POLR3E: variants seen among roughly 807,000 people sequenced by gnomAD.
POLR3E encodes the protein RNA polymerase III subunit E.
POLR3E carries 41 observed loss-of-function variants against 96.6 expected under a neutral mutation model. That is an observed-to-expected ratio of 0.42 (90% CI 0.33 to 0.55). The LOEUF is 0.55. Ranked by LOEUF, POLR3E falls within the 20% of genes least tolerant of loss-of-function variation. POLR3E has a pLI of 0.06. For missense variants in POLR3E, 849 were observed against 952.1 expected (o/e 0.89, Z 1.43); for synonymous variants, 396 against 383.6 (o/e 1.03, Z -0.38).
intron 5 of POLR3E, 56 bp from the exon 6 acceptor site, chr16:22,309,372 C>T (rs1598245301): frequency 1.5e-6 from 2 of 1,322,348 alleles, no homozygotes; most frequent in Non-Finnish European, 1.1e-6. Context: ...GCTGTGGCCA[C>T]AGGCCCTGGC....
chr16:22,322,959 CG>C lies in POLR3E; in HGVS notation c.1068+30del. On this transcript the variant is annotated intron_variant, in intron 14 of 20. Coordinates refer to ENST00000299853, the MANE Select transcript of POLR3E (RefSeq NM_018119.4). This position sits in a 1 kb window ranked among gnomAD's most constrained non-coding sequence, Gnocchi z 5.2. ...AAGTACCTTGGGTTCTCTGGACTCACGGTGGGGGCGTGGGAAGAGGGGGGCA... is the reference window on the plus strand; with the variant it reads ...AAGTACCTTGGGTTCTCTGGACTCACGTGGGGGCGTGGGAAGAGGGGGGCA... The C allele has an allele frequency of 6.6e-7, 1 of 1,507,192 alleles. No homozygotes were observed. 93.4% of individuals were successfully genotyped at this position (1,507,192 alleles called of 1,614,324 possible). A position where few individuals can be genotyped will look rare whatever the true frequency, so the allele number is the denominator to read the frequency against.
chr16:22,302,898 C>T lies in POLR3E; in HGVS notation c.-38-33C>T, dbSNP rs1399739015. ...GCACAAGGAAATGTTGGTTGAACGACTGATGGTCCCAGTCTCTCGCCCTCC... is the reference window on the plus strand; with the variant it reads ...GCACAAGGAAATGTTGGTTGAACGATTGATGGTCCCAGTCTCTCGCCCTCC... On this transcript the variant is annotated intron_variant, in intron 1 of 20. Coordinates refer to ENST00000299853, the MANE Select transcript of POLR3E (RefSeq NM_018119.4). 47 of 1,424,558 alleles carry T rather than the reference C, an allele frequency of 3.3e-5. No individual in the cohort carries two copies. The East Asian group carries it at 1.0e-3, about 30-fold the overall frequency. The allele number at this position is 1,424,558 out of a possible 1,614,324, so 88.2% of individuals were successfully genotyped here.
In POLR3E at chr16:22,318,092, ACTT is replaced by A. The variant is rs1304265119; in HGVS notation, c.866-732_866-730del. Among the ~76,000 whole-genome samples, 3 of 148,084 alleles carry A rather than the reference ACTT, an allele frequency of 2.0e-5. No homozygotes were observed. Among genetic ancestry groups the A allele is most frequent in the African/African-American group, 7.7e-5 (3 of 38,850 alleles). On this transcript the variant is annotated intron_variant, in intron 12 of 20. Coordinates refer to ENST00000299853, the MANE Select transcript of POLR3E (RefSeq NM_018119.4). The surrounding 1 kb of genome is among the most constrained non-coding windows in gnomAD (Gnocchi z 5.0). ...ATTTTAGGCTTCCTTCCTGCAGAGG[ACTT>A]CGAACTTTTTTTTTTTTTGAGACAG...
Position 22,317,206 on chromosome 16 carries a change from G to T in POLR3E, c.865G>T (p.Val289Leu), listed in dbSNP as rs1016274846. ...ADQIKILMKN[V>L]KVMPFANLMS... ...TCAGATCAAGATCCTGATGAAGAAT[G>T]GTGGGTGCCTACCCCCTGCCCACCC... The change falls in exon 12 of 21, where the codon GTG (valine) becomes TTG (leucine). Residue 289 changes from valine (V) to leucine (L), a missense_variant and splice_region_variant. Transcript: ENST00000299853. 14 of 1,610,624 alleles carry T rather than the reference G, an allele frequency of 8.7e-6. No homozygotes were observed. In the African/African-American group the frequency reaches 1.9e-4, roughly 21 times the overall value.
rs1422228329 is a variant in POLR3E at position 22,318,487 on chromosome 16, G to A, written c.866-339G>A. On this transcript the variant is annotated intron_variant, in intron 12 of 20. Coordinates refer to ENST00000299853, the MANE Select transcript of POLR3E (RefSeq NM_018119.4). The surrounding 1 kb of genome is among the most constrained non-coding windows in gnomAD (Gnocchi z 5.0). ...GTACCAAGTGGAGCCAAGTGGCTTG[G>A]GTTCACTTCCTGGCTCTGCTACTTC... Among the ~76,000 whole-genome samples the A allele has an allele frequency of 1.3e-5, 2 of 152,178 alleles. No individual in the cohort carries two copies. Among genetic ancestry groups the A allele is most frequent in the Admixed American group, 1.3e-4 (2 of 15,282 alleles).
chr16:22,329,285 T>A (rs2048685521), intron 19 of POLR3E, among the ~76,000 whole-genome samples: 1 of 152,114 alleles, frequency 6.6e-6, no homozygotes, highest in African/African-American at 2.4e-5. Flanking sequence ...GGTCCTGGAC[T>A]TTTAGGTTAA....
intron 6 of POLR3E, among the ~76,000 whole-genome samples, chr16:22,311,204 G>A (rs569587316): frequency 2.4e-4 from 37 of 151,130 alleles, no homozygotes; most frequent in Non-Finnish European, 1.0e-4. Context: ...CCTGACCTCA[G>A]GTGATCCACC....
chr16:22,333,206 G>A (rs147487330), intron 20 of POLR3E, among the ~76,000 whole-genome samples: 2,517 of 150,244 alleles, frequency 0.017, 70 homozygotes, highest in African/African-American at 0.055. Flanking sequence ...TAATCCCAGC[G>A]CTTTGGGAGG....
At chr16:22,310,674 A>C (rs1598247783) in intron 6 of POLR3E, among the ~76,000 whole-genome samples, 1 of 150,778 alleles carries the variant, frequency 6.6e-6, no homozygotes, top group Non-Finnish European at 1.5e-5. Flanking sequence ...GTTGCCTCCT[A>C]CCTGTAATCC....
At chr16:22,305,548 G>A (rs927822566) in intron 3 of POLR3E, 23 of 517,776 alleles carry the variant, frequency 4.4e-5, no homozygotes, top group Non-Finnish European at 8.2e-5. Flanking sequence ...AAGTGGTGAT[G>A]GTGATAATGC....
chr16:22,315,094 G>T lies in POLR3E; in HGVS notation c.528G>T (p.Arg176=). ...AEDDVKQITV[R]FSRPESEQAR... ...TCTTCCCCTTCCCACCGCAGGTGCG[G>T]TTCTCCCGGCCGGAGTCAGAGCAGG... The change falls in exon 9 of 21, where the codon CGG becomes CGT. Residue 176 remains arginine (R), a synonymous_variant. Transcript: ENST00000299853. 2 of 1,613,288 alleles carry T rather than the reference G, an allele frequency of 1.2e-6. No individual in the cohort carries two copies. The highest frequency in any genetic ancestry group is 1.7e-6 in the Non-Finnish European group (2 of 1,179,882).
chr16:22,321,074 C>T lies in POLR3E; in HGVS notation c.987-1776C>T, dbSNP rs181196083. Among the ~76,000 whole-genome samples, 202 of 152,216 alleles carry T rather than the reference C, an allele frequency of 1.3e-3. 1 individual carries two copies. The highest frequency in any genetic ancestry group is 1.4e-3 in the Non-Finnish European group (94 of 68,008). On this transcript the variant is annotated intron_variant, in intron 13 of 20. Coordinates refer to ENST00000299853, the MANE Select transcript of POLR3E (RefSeq NM_018119.4). ...ATGCCTTTCAGTGGTTTCTCTTCGG[C>T]GAATCCTCCCCTAGACCATGTGCTG...
chr16:22,307,114 C>T (rs546477001), intron 3 of POLR3E, among the ~76,000 whole-genome samples: 3 of 152,286 alleles, frequency 2.0e-5, no homozygotes, highest in African/African-American at 4.8e-5. Context: ...TTGCCTCCTC[C>T]GTGCTCACAG....
In POLR3E at chr16:22,302,925, T is replaced by A; in HGVS notation, c.-38-6T>A. ...GATGGTCCCAGTCTCTCGCCCTCCT[T>A]TGCAGATCGAGCTGAAGGACTGCGC... On this transcript the variant is annotated splice_polypyrimidine_tract_variant and splice_region_variant and intron_variant, in intron 1 of 20. Transcript: ENST00000299853. The A allele has an allele frequency of 6.3e-7, 1 of 1,592,664 alleles. No individual in the cohort carries two copies.
intron 18 of POLR3E, 85 bp downstream of exon 18, chr16:22,326,363 G>A: frequency 8.5e-7 from 1 of 1,180,516 alleles, no homozygotes; most frequent in African/African-American, 1.5e-5. Context: ...GGACACGGGA[G>A]GCCATGCTTG....
chr16:22,334,984 T>C lies in POLR3E; in HGVS notation c.*1284T>C, dbSNP rs762149178. On this transcript the variant is annotated 3_prime_UTR_variant, in exon 21 of 21. Coordinates refer to ENST00000299853, the MANE Select transcript of POLR3E (RefSeq NM_018119.4). ...TTTAGCTATAGAATCACTAAGGCAT[T>C]GATCAAGGATGTACTTTGCCAAATA... 1 of 152,248 alleles carries C rather than the reference T, an allele frequency of 6.6e-6. No individual in the cohort carries two copies. The highest frequency in any genetic ancestry group is 2.4e-5 in the African/African-American group (1 of 41,456). 9.4% of individuals were successfully genotyped at this position (152,248 alleles called of 1,614,324 possible).
At chr16:22,332,039 A>C (rs1363386399) in intron 19 of POLR3E, 21 bp from the exon 20 acceptor site, 1 of 1,611,476 alleles carries the variant, frequency 6.2e-7, no homozygotes. Flanking sequence ...TTCCCATCAT[A>C]ACGTGTTTTT....
chr16:22,334,924 T>C lies in POLR3E; in HGVS notation c.*1224T>C, dbSNP rs1207945105. On this transcript the variant is annotated 3_prime_UTR_variant, in exon 21 of 21. Coordinates refer to ENST00000299853, the MANE Select transcript of POLR3E (RefSeq NM_018119.4). The stretch of plus-strand genomic sequence containing the variant: ...AAGGTTTAAATGACGGTCTATGCTA[T>C]TTCCCCACTCCCCCCAAAATAAAAC... 6.6e-6 allele frequency: 1 copy of C among 152,252 alleles called. No individual in the cohort carries two copies. Among genetic ancestry groups the C allele is most frequent in the Non-Finnish European group, 1.5e-5 (1 of 68,044 alleles). 9.4% of individuals were successfully genotyped at this position (152,252 alleles called of 1,614,324 possible).
chr16:22,303,044 G>A (rs201915761), intron 2 of POLR3E, 40 bp downstream of exon 2: 2 of 1,595,064 alleles, frequency 1.3e-6, no homozygotes, highest in East Asian at 2.2e-5. Context: ...GGGGCTACAG[G>A]CAGTGGAATT....
Sources: allele counts gnomAD v4.1 joint callset (sites outside exome capture counted in the v4.1 genomes callset), GRCh38; gene constraint gnomAD v4.1.1; non-coding constraint Gnocchi (gnomAD v3.1); transcripts MANE v1.5; gene names NCBI Gene and HGNC (gene_info 2026-07-23, HGNC 2026-07-21).